The following SLC5A11 variants were observed in gnomAD, a reference collection of about 807,000 sequenced individuals.
The protein encoded by SLC5A11 is solute carrier family 5 member 11, also known as sodium/myo-inositol cotransporter 2.
In SLC5A11, 48 loss-of-function variants were observed where a neutral mutation model predicts 69.8. That is an observed-to-expected ratio of 0.69 (90% confidence interval 0.55 to 0.87). The LOEUF is 0.87. SLC5A11 is among the 40% of genes least tolerant of loss of function. The pLI is 0.00. For synonymous variants in SLC5A11, 319 were observed against 342.4 expected (o/e 0.93, Z 0.75); for missense variants, 784 against 866.1 (o/e 0.91, Z 1.19).
intron 1 of SLC5A11, among the ~76,000 whole-genome samples, chr16:24,848,517 G>A (rs1482116068): frequency 6.6e-6 from 1 of 152,208 alleles, no homozygotes; most frequent in African/African-American, 2.4e-5. Flanking sequence ...CCAGCACTGT[G>A]CAGGGATCAT....
chr16:24,906,306 C>T (rs932520801), intron 10 of SLC5A11, among the ~76,000 whole-genome samples: 1 of 149,912 alleles, frequency 6.7e-6, no homozygotes, highest in Non-Finnish European at 1.5e-5. Context: ...GTGCCACTGC[C>T]CTCCAGCCTG....
intron 3 of SLC5A11, among the ~76,000 whole-genome samples, chr16:24,866,030 AT>A (rs1249731007): frequency 6.6e-6 from 1 of 150,428 alleles, no homozygotes; most frequent in African/African-American, 2.5e-5. Flanking sequence ...TAAGAAAGTA[AT>A]TTTAGAAAAT....
At chr16:24,905,634 G>T (rs945579338) in intron 10 of SLC5A11, among the ~76,000 whole-genome samples, 1 of 76,840 alleles carries the variant, frequency 1.3e-5, no homozygotes, top group South Asian at 3.6e-4. Flanking sequence ...AAACACGCGC[G>T]CGCGCGCACA....
At position 24,897,860 on chromosome 16, in the gene SLC5A11, C is replaced by T. The variant is rs2049289940; in HGVS notation, c.871-114C>T. On this transcript the variant is annotated intron_variant, in intron 9 of 15. Transcript: ENST00000347898. ...ATGATTCAGTTATCTCCCACTGACT[C>T]CCTCCCACAACATGTGGGAATTATG... is the stretch of plus-strand genomic sequence containing the variant. 2.2e-6 allele frequency: 3 copies of T among 1,367,170 alleles called. No individual in the cohort carries two copies. The Middle Eastern group carries it at 7.8e-4, about 356-fold the overall frequency. 84.7% of individuals were successfully genotyped at this position (1,367,170 alleles called of 1,614,324 possible).
rs186869069 is a variant in SLC5A11, at chr16:24,856,790, A to G, written c.-24-1830A>G. Among the ~76,000 whole-genome samples, 3 of 151,346 alleles carry G rather than the reference A, an allele frequency of 2.0e-5. No homozygotes were observed. The East Asian group carries it at 5.8e-4, about 29-fold the overall frequency. On this transcript the variant is annotated intron_variant, in intron 1 of 15. Coordinates refer to ENST00000347898, the Ensembl canonical transcript of SLC5A11. ...CATCTCAAAAAATAAATAAATAAAT[A>G]AAAATAATAAAATAAAATAAAATAA...
At chr16:24,893,475 A>G (rs1488077174) in intron 9 of SLC5A11, among the ~76,000 whole-genome samples, 2 of 152,080 alleles carry the variant, frequency 1.3e-5, no homozygotes, top group Non-Finnish European at 2.9e-5. Context: ...TCACCTGCCC[A>G]GGTATTCCCC....
chr16:24,877,097 C>G, intron 6 of SLC5A11, 161 bp from the exon 8 acceptor site: 1 of 1,486,930 alleles, frequency 6.7e-7, no homozygotes, highest in Non-Finnish European at 8.9e-7. Flanking sequence ...AGCTGAAGAC[C>G]CCTGATCTGG....
chr16:24,910,251 G>C (rs1024926636), intron 14 of SLC5A11, 55 bp from the exon 16 acceptor site: 1 of 1,580,888 alleles, frequency 6.3e-7, no homozygotes, highest in African/African-American at 1.3e-5. Flanking sequence ...GAAAAGGATG[G>C]ACAACCCCGG....
At position 24,873,247 on chromosome 16, in the gene SLC5A11, GAGGAAGGAAGGAAGGAAGGAAGGA is replaced by G. The variant is rs549215226; in HGVS notation, c.372+1062_372+1085del. Among the ~76,000 whole-genome samples, 15 of 101,488 alleles carry G rather than the reference GAGGAAGGAAGGAAGGAAGGAAGGA, an allele frequency of 1.5e-4. No individual in the cohort carries two copies. The South Asian group carries it at 3.0e-3, about 20-fold the overall frequency. 66.6% of individuals were successfully genotyped at this position (101,488 alleles called of 152,430 possible). ...AAAGGAAGGAATGGAGAGAGGGAGG[GAGGAAGGAAGGAAGGAAGGAAGGA>G]AGGAAGGAAGGAAGGAAGGAAGGAA... On this transcript the variant is annotated intron_variant, in intron 5 of 15. Transcript: ENST00000347898.
intron 8 of SLC5A11, among the ~76,000 whole-genome samples, chr16:24,888,783 CTTTTT>C: frequency 2.2e-5 from 1 of 45,756 alleles, no homozygotes; most frequent in East Asian, 6.7e-4. Flanking sequence ...CGTGCCTGTC[CTTTTT>C]TTTTTTTTTT....
intron 7 of SLC5A11, among the ~76,000 whole-genome samples, chr16:24,883,458 G>C (rs930175253): frequency 2.6e-5 from 4 of 152,152 alleles, no homozygotes; most frequent in Non-Finnish European, 5.9e-5. Flanking sequence ...GTTGAAAATT[G>C]CTGTGTTAAA....
At chr16:24,878,313 C>A (rs2047818401) in intron 7 of SLC5A11, among the ~76,000 whole-genome samples, 1 of 152,212 alleles carries the variant, frequency 6.6e-6, no homozygotes, top group Admixed American at 6.5e-5. Flanking sequence ...TACTGCAATC[C>A]TGGAGCCTGA....
chr16:24,898,202 G>A (rs568978668), intron 10 of SLC5A11, 93 bp downstream of exon 11: 2 of 1,453,974 alleles, frequency 1.4e-6, no homozygotes, highest in Middle Eastern at 2.1e-4. Flanking sequence ...TCAAGAGAAT[G>A]TGACTACAGT....
At position 24,907,164 on chromosome 16, in the gene SLC5A11, G is replaced by A. The variant is rs768145817; in HGVS notation, c.1254G>A (p.Met418Ile). The stretch of plus-strand genomic sequence containing the variant: ...CTCGGGCATCTGAGAAGGAGCTCAT[G>A]ATTGTGGGCAGGTAAGTCCCCACTG... The change falls in exon 12 of 16, where the codon ATG (methionine) becomes ATA (isoleucine). Residue 418 changes from methionine to isoleucine, a missense_variant. Transcript: ENST00000347898. 10 of 1,614,014 alleles carry A rather than the reference G, an allele frequency of 6.2e-6. No homozygotes were observed. In the African/African-American group the frequency reaches 8.0e-5, roughly 13 times the overall value.
chr16:24,879,102 A>C (rs561426653), intron 7 of SLC5A11, among the ~76,000 whole-genome samples: 1 of 152,200 alleles, frequency 6.6e-6, no homozygotes, highest in South Asian at 2.1e-4. Flanking sequence ...GGAAAAATTA[A>C]TTGGGGTGAA....
At chr16:24,905,881 G>T (rs1197754787) in intron 10 of SLC5A11, among the ~76,000 whole-genome samples, 4 of 152,056 alleles carry the variant, frequency 2.6e-5, no homozygotes, top group African/African-American at 9.7e-5. Flanking sequence ...ATTAAATGAG[G>T]TGTATGTACA....
At chr16:24,855,404 C>G (rs1280613127) in intron 1 of SLC5A11, among the ~76,000 whole-genome samples, 1 of 148,370 alleles carries the variant, frequency 6.7e-6, no homozygotes, top group Non-Finnish European at 1.5e-5. Context: ...GAATTTGAGA[C>G]CACCCTGAGC....
Position 24,862,686 on chromosome 16 carries a change from G to A in SLC5A11, c.207+14G>A, listed in dbSNP as rs1321618773. On this transcript the variant is annotated intron_variant, in intron 3 of 15. Coordinates refer to ENST00000347898, the Ensembl canonical transcript of SLC5A11. ...GTGTGGTGGCCAGTAAGTGGTCTTT[G>A]GTTCAATTAAAGTCACTTCTTAAAG... The A allele has an allele frequency of 6.2e-7, 1 of 1,611,048 alleles. No homozygotes were observed. Among genetic ancestry groups the A allele is most frequent in the Middle Eastern group, 1.7e-4 (1 of 6,000 alleles).
chr16:24,908,470 G>A (rs995270513), intron 13 of SLC5A11, among the ~76,000 whole-genome samples: 2 of 151,624 alleles, frequency 1.3e-5, no homozygotes, highest in African/African-American at 4.8e-5. Context: ...GTGGTGGTGG[G>A]CGCCTGTAAT....
Sources: gnomAD v4.1 joint callset for allele counts (sites outside exome capture counted in the v4.1 genomes callset) on GRCh38, gnomAD v4.1.1 for gene constraint, MANE v1.5 for transcripts, NCBI Gene and HGNC (gene_info 2026-07-23, HGNC 2026-07-21) for gene names.